RASAL2: variants seen among roughly 807,000 people sequenced by gnomAD.
RASAL2 encodes ras GTPase-activating protein nGAP.
RASAL2 carries 58 observed loss-of-function variants against 128.9 expected under a neutral mutation model. The ratio of observed to expected loss-of-function variants is 0.45; its 90% CI spans 0.36 to 0.56. The LOEUF (loss-of-function observed/expected upper bound fraction) is 0.56. Ranked by LOEUF, RASAL2 falls within the 20% of genes least tolerant of loss-of-function variation. RASAL2 has a pLI of 0.00. For missense variants in RASAL2, 1,360 were observed against 1,601.6 expected, an observed-to-expected ratio of 0.85 and a Z score of 2.57; for synonymous variants, 561 against 580.8, an observed-to-expected ratio of 0.97 and a Z score of 0.49.
At chr1:178,362,149 CTATT>C (rs1671152643) in intron 3 of RASAL2, among the ~76,000 whole-genome samples, 1 of 152,120 alleles carries the variant, frequency 6.6e-6, no homozygotes, top group South Asian at 2.1e-4. Context: ...AGTGTAATAA[CTATT>C]TACATAGGAT....
chr1:178,373,355 C>T (rs757848375), intron 3 of RASAL2, among the ~76,000 whole-genome samples: 7 of 132,856 alleles, frequency 5.3e-5, no homozygotes, highest in Non-Finnish European at 1.1e-4. Context: ...GATACTAACC[C>T]GACTCTTAAT....
intron 3 of RASAL2, among the ~76,000 whole-genome samples, chr1:178,363,048 A>G (rs899906352): frequency 1.3e-5 from 2 of 152,082 alleles, no homozygotes; most frequent in Non-Finnish European, 1.5e-5. Context: ...GCAGGGTCAT[A>G]TTACTAGTTC....
At chr1:178,155,700 C>G (rs1030933750) in intron 1 of RASAL2, among the ~76,000 whole-genome samples, 1 of 150,696 alleles carries the variant, frequency 6.6e-6, no homozygotes, top group Non-Finnish European at 1.5e-5. Context: ...TGGACTTTCT[C>G]CCTCCGTTCT....
At chr1:178,197,311 CTGGGCTTGGT>C (rs1662691704) in intron 1 of RASAL2, among the ~76,000 whole-genome samples, 1 of 152,094 alleles carries the variant, frequency 6.6e-6, no homozygotes, top group African/African-American at 2.4e-5. Context: ...CAAAAATTAG[CTGGGCTTGGT>C]GGCTCACGTC....
At chr1:178,451,066 A>G (rs1265467154) in intron 9 of RASAL2, among the ~76,000 whole-genome samples, 2 of 152,180 alleles carry the variant, frequency 1.3e-5, no homozygotes, top group Non-Finnish European at 2.9e-5. Context: ...TTATTGTGCA[A>G]TGTTGAATGA....
chr1:178,138,490 G>A (rs1200830348), intron 1 of RASAL2, among the ~76,000 whole-genome samples: 2 of 152,056 alleles, frequency 1.3e-5, no homozygotes, highest in South Asian at 4.2e-4. Flanking sequence ...CACTGTGTTG[G>A]TCTCTCTTCA....
chr1:178,368,636 C>CT (rs34791324), intron 3 of RASAL2, among the ~76,000 whole-genome samples: 85 of 146,242 alleles, frequency 5.8e-4, no homozygotes, highest in Admixed American at 1.0e-3. Context: ...TTCTTTCTTT[C>CT]TTTTTTTTTT....
At chr1:178,218,694 A>C (rs1663512446) in intron 1 of RASAL2, among the ~76,000 whole-genome samples, 1 of 152,180 alleles carries the variant, frequency 6.6e-6, no homozygotes, top group Non-Finnish European at 1.5e-5. Flanking sequence ...CTCAAAAAAA[A>C]AATTCAGTTT....
intron 3 of RASAL2, among the ~76,000 whole-genome samples, chr1:178,347,482 A>T (rs1670210668): frequency 6.6e-6 from 1 of 152,180 alleles, no homozygotes; most frequent in African/African-American, 2.4e-5. Context: ...GCTCCTACAC[A>T]TCAGTGAGAA....
intron 8 of RASAL2, among the ~76,000 whole-genome samples, chr1:178,444,034 T>G (rs1239719971): frequency 2.0e-5 from 3 of 152,202 alleles, no homozygotes; most frequent in Non-Finnish European, 4.4e-5. Context: ...ATTTAGTCTC[T>G]TATCTGGCTT....
At chr1:178,302,097 G>A (rs1044202916) in intron 3 of RASAL2, among the ~76,000 whole-genome samples, 1 of 152,090 alleles carries the variant, frequency 6.6e-6, no homozygotes, top group Non-Finnish European at 1.5e-5. Flanking sequence ...TTCCTTACAT[G>A]CCAGTCTAAT....
At chr1:178,295,807 G>T (rs1667472085) in intron 2 of RASAL2, among the ~76,000 whole-genome samples, 1 of 152,220 alleles carries the variant, frequency 6.6e-6, no homozygotes, top group African/African-American at 2.4e-5. Flanking sequence ...TTGAGGAATT[G>T]TTTTTTCTTT....
At chr1:178,321,043 A>C (rs1571852992) in intron 3 of RASAL2, among the ~76,000 whole-genome samples, 2 of 152,140 alleles carry the variant, frequency 1.3e-5, no homozygotes. Flanking sequence ...TTCTTCACCA[A>C]CCTTTTCTAA....
intron 1 of RASAL2, among the ~76,000 whole-genome samples, chr1:178,099,539 A>C (rs895574906): frequency 1.3e-5 from 2 of 152,214 alleles, no homozygotes; most frequent in Admixed American, 1.3e-4. Flanking sequence ...TCTACCCTCT[A>C]TCATGTTGGT....
chr1:178,299,775 G>A (rs1333113584), intron 2 of RASAL2, among the ~76,000 whole-genome samples: 5 of 152,120 alleles, frequency 3.3e-5, no homozygotes, highest in African/African-American at 9.7e-5. Context: ...GATTACAGGC[G>A]TGAGTCACTG....
intron 1 of RASAL2, among the ~76,000 whole-genome samples, chr1:178,104,855 T>C (rs1188853602): frequency 6.6e-6 from 1 of 152,182 alleles, no homozygotes; most frequent in Non-Finnish European, 1.5e-5. Context: ...GAGTATAGAC[T>C]CAAAGCAATT....
intron 1 of RASAL2, among the ~76,000 whole-genome samples, chr1:178,192,461 A>G (rs930184062): frequency 2.6e-5 from 4 of 152,222 alleles, no homozygotes; most frequent in Non-Finnish European, 4.4e-5. Flanking sequence ...ATGCTTTTCA[A>G]ATCTGTGTTT....
rs141279359 is a variant in RASAL2, at chr1:178,474,760, A to G, written c.*1521A>G. On this transcript the variant is annotated 3_prime_UTR_variant, in exon 18 of 18. Transcript: ENST00000367649. ...CAAATAGGAAAAGTTCATGCCTTCT[A>G]TGCTGTTCAGATATAATGTTAAAAG... 9.0e-4 allele frequency: 137 copies of G among 152,196 alleles called. 1 individual carries two copies. Among genetic ancestry groups the G allele is most frequent in the African/African-American group, 3.0e-3 (123 of 41,546 alleles). 9.4% of individuals were successfully genotyped at this position (152,196 alleles called of 1,614,324 possible). A position where few individuals can be genotyped will look rare whatever the true frequency, so the allele number is the denominator to read the frequency against.
At chr1:178,188,493 G>C (rs1363485821) in intron 1 of RASAL2, among the ~76,000 whole-genome samples, 1 of 152,116 alleles carries the variant, frequency 6.6e-6, no homozygotes, top group East Asian at 1.9e-4. Context: ...GGTGTTTATA[G>C]GAGGGCAAGT....
Sources: gnomAD v4.1 joint callset for allele counts (sites outside exome capture counted in the v4.1 genomes callset) on GRCh38, gnomAD v4.1.1 for gene constraint, MANE v1.5 for transcripts, NCBI Gene and HGNC (gene_info 2026-07-23, HGNC 2026-07-21) for gene names.